EXOC2: variants seen among roughly 807,000 people sequenced by gnomAD.
EXOC2 encodes the protein SEC5-like 1.
In EXOC2, 70 loss-of-function variants were observed where a neutral mutation model predicts 131.8. The observed-to-expected ratio is 0.53, with a 90% CI of 0.44 to 0.65. EXOC2 has a LOEUF of 0.65. EXOC2 is among the 30% of genes least tolerant of loss of function. The probability of loss-of-function intolerance (pLI) is 0.00; values close to 1 mark genes in which losing one functional copy is unlikely to be tolerated. For synonymous variants in EXOC2, 411 were observed against 398.4 expected, an observed-to-expected ratio of 1.03 and a Z score of -0.38; for missense variants, 923 against 1,108.6, an observed-to-expected ratio of 0.83 and a Z score of 2.38.
chr6:582,264 T>G (rs1447055760), intron 11 of EXOC2, among the ~76,000 whole-genome samples: 1 of 151,814 alleles, frequency 6.6e-6, no homozygotes, highest in East Asian at 1.9e-4. Context: ...ACAGACTCTA[T>G]ACCACAAAAA....
chr6:575,444 A>G (rs1028418017), intron 12 of EXOC2, among the ~76,000 whole-genome samples: 1 of 151,880 alleles, frequency 6.6e-6, no homozygotes, highest in South Asian at 2.1e-4. Context: ...TGGCATCTCC[A>G]TCCTCTCCCT....
At chr6:539,763 T>A (rs1396021640) in intron 22 of EXOC2, among the ~76,000 whole-genome samples, 1 of 152,216 alleles carries the variant, frequency 6.6e-6, no homozygotes, top group African/African-American at 2.4e-5. Context: ...AATTTGGCCA[T>A]CTGTATAGAA....
chr6:590,597 A>G (rs1418284014), intron 11 of EXOC2, among the ~76,000 whole-genome samples: 1 of 152,108 alleles, frequency 6.6e-6, no homozygotes. Flanking sequence ...CAGGCCCTGC[A>G]TTTGCCAGAG....
intron 10 of EXOC2, among the ~76,000 whole-genome samples, chr6:592,829 C>G (rs1759615736): frequency 2.0e-5 from 3 of 151,996 alleles, no homozygotes; most frequent in African/African-American, 7.3e-5. Context: ...AGTTCAAGAC[C>G]AGCCTGGCCA....
intron 1 of EXOC2, among the ~76,000 whole-genome samples, chr6:672,724 T>C (rs1258085097): frequency 6.6e-6 from 1 of 152,214 alleles, no homozygotes. Flanking sequence ...CTCAATTTTC[T>C]GAGGGATATA....
At chr6:671,580 C>T (rs1207971274) in intron 1 of EXOC2, among the ~76,000 whole-genome samples, 1 of 151,996 alleles carries the variant, frequency 6.6e-6, no homozygotes, top group Non-Finnish European at 1.5e-5. Flanking sequence ...TTTGCTTCTC[C>T]CTAAAGAACA....
chr6:492,578 G>A (rs961920256), intron 25 of EXOC2, among the ~76,000 whole-genome samples: 9 of 152,166 alleles, frequency 5.9e-5, no homozygotes, highest in East Asian at 3.8e-4. Flanking sequence ...AAAAAGAAGC[G>A]AGGCACTGGC....
chr6:612,789 G>A (rs1485557980), intron 6 of EXOC2, among the ~76,000 whole-genome samples: 4 of 150,036 alleles, frequency 2.7e-5, no homozygotes, highest in African/African-American at 7.3e-5. Context: ...GGAGGAACAT[G>A]CGTAATTTAG....
At chr6:513,493 A>C (rs1215575117) in intron 23 of EXOC2, among the ~76,000 whole-genome samples, 1 of 152,220 alleles carries the variant, frequency 6.6e-6, no homozygotes, top group Non-Finnish European at 1.5e-5. Flanking sequence ...AGTTTCTTTC[A>C]TATCCATCAT....
chr6:600,990 T>A (rs928413428), intron 7 of EXOC2, among the ~76,000 whole-genome samples: 1 of 152,170 alleles, frequency 6.6e-6, no homozygotes, highest in Non-Finnish European at 1.5e-5. Flanking sequence ...TATTCAGTAA[T>A]AAAATACATG....
chr6:648,813 C>A (rs894196229), intron 1 of EXOC2, among the ~76,000 whole-genome samples: 2 of 148,894 alleles, frequency 1.3e-5, no homozygotes, highest in African/African-American at 5.0e-5. Flanking sequence ...CCTCGAACTC[C>A]TGGGCTCAAG....
chr6:537,358 G>T (rs1406703536), intron 22 of EXOC2, among the ~76,000 whole-genome samples: 1 of 150,866 alleles, frequency 6.6e-6, no homozygotes, highest in African/African-American at 2.4e-5. Context: ...ACGGCCGACG[G>T]AGCGCACACT....
At chr6:498,250 A>G (rs1022402216) in intron 24 of EXOC2, among the ~76,000 whole-genome samples, 1 of 152,184 alleles carries the variant, frequency 6.6e-6, no homozygotes, top group African/African-American at 2.4e-5. Flanking sequence ...TATGAATGAA[A>G]TTCTCCTTTC....
chr6:550,713 G>A (rs919935884), intron 21 of EXOC2, among the ~76,000 whole-genome samples: 3 of 152,190 alleles, frequency 2.0e-5, no homozygotes, highest in South Asian at 2.1e-4. Context: ...TCCAGTCCCC[G>A]GGCCTGGAGT....
At chr6:499,120 A>G (rs1763896421) in intron 24 of EXOC2, among the ~76,000 whole-genome samples, 1 of 152,140 alleles carries the variant, frequency 6.6e-6, no homozygotes, top group South Asian at 2.1e-4. Context: ...CAGAAGCACC[A>G]ATACTGTCTG....
chr6:526,599 C>A (rs562468921), intron 23 of EXOC2, among the ~76,000 whole-genome samples: 24 of 152,014 alleles, frequency 1.6e-4, no homozygotes, highest in African/African-American at 5.8e-4. Context: ...CACCACCGTG[C>A]CCGGTTAATT....
rs771813080 is a variant in EXOC2 at position 499,685 on chromosome 6, A to C, written c.2396T>G (p.Leu799Ter). 4.7e-5 allele frequency: 76 copies of C among 1,613,604 alleles called. No homozygotes were observed. The highest frequency in any genetic ancestry group is 6.1e-5 in the Non-Finnish European group (72 of 1,179,750). Reference sequence around the variant, plus strand: ...AATTATATTCACCAGTGCTTCTTTTAAATAGTTTCTGACACCTGAAATTGA... The same window carrying C: ...AATTATATTCACCAGTGCTTCTTTTCAATAGTTTCTGACACCTGAAATTGA... ...CLPPTGVRNYLKEALVNIIAV... is the reference protein window; with the variant it reads ...CLPPTGVRNY The change falls in exon 24 of 28, where the codon TTA becomes TGA. Residue 799 changes from leucine to a stop codon, truncating the protein, a stop_gained. Transcript: ENST00000230449. LOFTEE classifies it high-confidence loss of function.
chr6:542,519 TG>T (rs1449270715), intron 22 of EXOC2, among the ~76,000 whole-genome samples: 1 of 152,162 alleles, frequency 6.6e-6, no homozygotes, highest in Non-Finnish European at 1.5e-5. Flanking sequence ...CAAGATTTTG[TG>T]AAGTCCGGAT....
chr6:500,702 A>C (rs1055916230), intron 23 of EXOC2, among the ~76,000 whole-genome samples: 4 of 152,136 alleles, frequency 2.6e-5, no homozygotes, highest in Admixed American at 2.6e-4. Flanking sequence ...GAGATTCCAG[A>C]TGCCTTCTAG....
Sources: allele counts gnomAD v4.1 joint callset (sites outside exome capture counted in the v4.1 genomes callset), GRCh38; gene constraint gnomAD v4.1.1; transcripts MANE v1.5; gene names NCBI Gene and HGNC (gene_info 2026-07-23, HGNC 2026-07-21).